EZR: variants seen among roughly 807,000 people sequenced by gnomAD.
EZR encodes the protein ezrin.
Under a neutral mutation model 74.8 loss-of-function variants are expected in EZR, and 40 were observed. The ratio of observed to expected loss-of-function variants is 0.53; its 90% confidence interval spans 0.42 to 0.70. EZR has a LOEUF of 0.70. Among genes scored for constraint, EZR ranks in the 30% least tolerant of loss-of-function variants. EZR has a pLI of 0.00. For synonymous variants in EZR, 341 were observed against 283.3 expected, an observed-to-expected ratio of 1.20 and a Z score of -2.05; for missense variants, 678 against 755.8, an observed-to-expected ratio of 0.90 and a Z score of 1.21.
At chr6:158,774,672 A>AC (rs1791216343) in intron 8 of EZR, among the ~76,000 whole-genome samples, 4 of 142,396 alleles carry the variant, frequency 2.8e-5, no homozygotes, top group East Asian at 2.2e-4. Context: ...CTTATCATCA[A>AC]ACACACACAC....
At chr6:158,788,914 C>G (rs924131123) in intron 3 of EZR, among the ~76,000 whole-genome samples, 10 of 152,160 alleles carry the variant, frequency 6.6e-5, no homozygotes, top group Non-Finnish European at 1.5e-4. Context: ...GAGGTGGAGG[C>G]AGCTGCGGGT....
intron 2 of EZR, among the ~76,000 whole-genome samples, chr6:158,814,585 C>T (rs1029508099): frequency 6.7e-6 from 1 of 149,966 alleles, no homozygotes; most frequent in African/African-American, 2.5e-5. Flanking sequence ...CACTCTGTCG[C>T]CAGGCTGGAG....
rs776919766 is a variant in EZR, at chr6:158,767,029, T to G, written c.1646A>C (p.His549Pro). 6.2e-7 allele frequency: 1 copy of G among 1,614,202 alleles called. No individual in the cohort carries two copies. The highest frequency in any genetic ancestry group is 1.1e-5 in the South Asian group (1 of 91,084). The part of the protein sequence containing the change: ...SQARDENKRT[H>P]NDIIHNENMR... ...GTTCTCGTTGTGGATGATGTCATTG[T>G]GGGTCCTCTTATTCTCATCTCGGGC... The change falls in exon 14 of 14, where the codon CAC (histidine) becomes CCC (proline). Residue 549 changes from histidine (H) to proline (P), a missense_variant. Coordinates refer to ENST00000367075, the MANE Select transcript of EZR (RefSeq NM_001111077.2).
At chr6:158,811,666 G>C (rs1319946436) in intron 2 of EZR, among the ~76,000 whole-genome samples, 3 of 152,160 alleles carry the variant, frequency 2.0e-5, no homozygotes, top group Non-Finnish European at 4.4e-5. Flanking sequence ...TTTGAGACTA[G>C]CCGCCTGGGC....
At chr6:158,802,260 C>T (rs923466150) in intron 2 of EZR, among the ~76,000 whole-genome samples, 1 of 152,166 alleles carries the variant, frequency 6.6e-6, no homozygotes, top group Non-Finnish European at 1.5e-5. Flanking sequence ...GTAGCTGTAG[C>T]TAGAGTTTCT....
chr6:158,778,029 T>G (rs986212162), intron 7 of EZR, among the ~76,000 whole-genome samples: 1 of 152,208 alleles, frequency 6.6e-6, no homozygotes, highest in Non-Finnish European at 1.5e-5. Context: ...AGATACCACC[T>G]TGCCCTGCTA....
rs748148139 is a variant in EZR, at chr6:158,785,461, T to C, written c.315A>G (p.Gln105=). The C allele has an allele frequency of 6.2e-7, 1 of 1,614,190 alleles. No individual in the cohort carries two copies. Among genetic ancestry groups the C allele is most frequent in the Non-Finnish European group, 8.5e-7 (1 of 1,180,026 alleles). ...QDITQKLFFL[Q]VKEGILSDEI... ...CATCGCTAAGGATTCCTTCCTTCACTTGGAGGAAGAAAAGTTTCTGGGTGA... is the reference window on the plus strand; with the variant it reads ...CATCGCTAAGGATTCCTTCCTTCACCTGGAGGAAGAAAAGTTTCTGGGTGA... Residue 105 remains glutamine, a synonymous_variant, in exon 5 of 14, where the codon CAA becomes CAG. Transcript: ENST00000367075.
rs376896467 is a variant in EZR at position 158,784,383 on chromosome 6, C to T, written c.551+261G>A. ...CCCTCTGACTAAGATGAAGTTTAGACACAACACTTTCTACAAAGGGAGGGT... is the reference window on the plus strand; with the variant it reads ...CCCTCTGACTAAGATGAAGTTTAGATACAACACTTTCTACAAAGGGAGGGT... On this transcript the variant is annotated intron_variant, in intron 6 of 13. Transcript: ENST00000367075. Among the ~76,000 whole-genome samples, 16 of 152,334 alleles carry T rather than the reference C, an allele frequency of 1.1e-4. No individual in the cohort carries two copies. In the East Asian group the frequency reaches 1.9e-3, roughly 18 times the overall value.
rs1055426447 is a variant in EZR at position 158,802,850 on chromosome 6, A to G, written c.13-13479T>C. Among the ~76,000 whole-genome samples the G allele has an allele frequency of 6.6e-5, 10 of 152,288 alleles. No homozygotes were observed. In the East Asian group the frequency reaches 1.9e-3, roughly 29 times the overall value. On this transcript the variant is annotated intron_variant, in intron 2 of 13. Transcript: ENST00000367075. ...CGGCCAGGTTTTTGCTTATTTAAGC[A>G]CAAGAACCATACATGGTTTATCCCT...
intron 8 of EZR, among the ~76,000 whole-genome samples, chr6:158,775,178 G>A (rs1380504123): frequency 1.3e-5 from 2 of 151,690 alleles, no homozygotes; most frequent in Non-Finnish European, 2.9e-5. Context: ...GATTACAGGC[G>A]CCCACCACCA....
chr6:158,813,246 G>A (rs1157993851), intron 2 of EZR, among the ~76,000 whole-genome samples: 1 of 152,130 alleles, frequency 6.6e-6, no homozygotes, highest in Non-Finnish European at 1.5e-5. Context: ...ACGTCCTCAA[G>A]GATGCCTTCC....
In EZR at chr6:158,767,438, T is replaced by C. The variant is rs776473073; in HGVS notation, c.1419A>G (p.Pro473=). Reference sequence around the variant, plus strand: ...TCACCGGCTCGTACACGGGGGGTGGTGGGGGCGGGGGTGCTGTCATCACCA... The same window carrying C: ...TCACCGGCTCGTACACGGGGGGTGGCGGGGGCGGGGGTGCTGTCATCACCA... ...LHLVMTAPPP[P]PPPVYEPVSY... The change falls in exon 13 of 14, where the codon CCA becomes CCG. Residue 473 remains proline (P), a synonymous_variant. Transcript: ENST00000367075. The C allele has an allele frequency of 1.6e-6, 2 of 1,228,102 alleles. No individual in the cohort carries two copies. The highest frequency in any genetic ancestry group is 3.3e-5 in the African/African-American group (2 of 60,334). The allele number at this position is 1,228,102 out of a possible 1,614,324, so 76.1% of individuals were successfully genotyped here. A position where few individuals can be genotyped will look rare whatever the true frequency, so the allele number is the denominator to read the frequency against.
At chr6:158,769,244 C>T in intron 12 of EZR, 82 bp downstream of exon 12, 1 of 1,220,520 alleles carries the variant, frequency 8.2e-7, no homozygotes. Flanking sequence ...CCCCAACCCA[C>T]CCACCTGCAG....
At chr6:158,818,230 A>C (rs922413916) in intron 1 of EZR, 64 bp from the exon 2 acceptor site, 4 of 882,596 alleles carry the variant, frequency 4.5e-6, no homozygotes, top group South Asian at 1.9e-5. Flanking sequence ...GCCGCGCCCG[A>C]CACTCGGCGC....
chr6:158,778,642 G>T (rs150485794), intron 7 of EZR, among the ~76,000 whole-genome samples: 1 of 152,288 alleles, frequency 6.6e-6, no homozygotes, highest in Non-Finnish European at 1.5e-5. Context: ...CCAGACAGAG[G>T]CCTTTGGAGA....
chr6:158,810,775 G>A (rs1020280609), intron 2 of EZR, among the ~76,000 whole-genome samples: 1 of 152,128 alleles, frequency 6.6e-6, no homozygotes, highest in Non-Finnish European at 1.5e-5. Flanking sequence ...ACATTTGCGG[G>A]GTAGGGAAAC....
At chr6:158,818,217 C>T (rs1392915393) in intron 1 of EZR, 51 bp from the exon 2 acceptor site, 2 of 1,043,552 alleles carry the variant, frequency 1.9e-6, no homozygotes, top group Admixed American at 2.5e-5. Context: ...GCCTCGTCCT[C>T]CTGCCGCGCC....
intron 7 of EZR, among the ~76,000 whole-genome samples, chr6:158,780,703 T>C (rs937507473): frequency 6.6e-6 from 1 of 152,226 alleles, no homozygotes; most frequent in Non-Finnish European, 1.5e-5. Context: ...GAAAAAGTGC[T>C]TTTACAGGAC....
At chr6:158,768,533 G>A (rs1020940457) in intron 12 of EZR, among the ~76,000 whole-genome samples, 2 of 152,078 alleles carry the variant, frequency 1.3e-5, no homozygotes, top group Admixed American at 6.5e-5. Flanking sequence ...CACAGTGGGG[G>A]AAGGACGGGC....
Sources: allele counts gnomAD v4.1 joint callset (sites outside exome capture counted in the v4.1 genomes callset), GRCh38; gene constraint gnomAD v4.1.1; transcripts MANE v1.5; gene names NCBI Gene and HGNC (gene_info 2026-07-23, HGNC 2026-07-21).